Variants in AGXT observed in about 807,000 individuals in gnomAD.
AGXT encodes the protein alanine--glyoxylate aminotransferase, also known as L-alanine: glyoxylate aminotransferase 1.
In AGXT, 41 loss-of-function variants were observed where a neutral mutation model predicts 46.9. The observed-to-expected ratio is 0.88, with a 90% CI of 0.68 to 1.14. The LOEUF is 1.14. Ranked by LOEUF, AGXT falls within the 50% of genes most tolerant of loss-of-function variation. The pLI is 0.00. For missense variants in AGXT, 525 were observed against 522.7 expected, an observed-to-expected ratio of 1.00 and a Z score of -0.04; for synonymous variants, 244 against 227.9, an observed-to-expected ratio of 1.07 and a Z score of -0.64.
Position 240,869,232 on chromosome 2 carries a change from G to A in AGXT, c.228G>A (p.Leu76=). Residue 76 remains leucine, a synonymous_variant, in exon 2 of 11, where the codon CTG becomes CTA. Coordinates refer to ENST00000307503, the MANE Select transcript of AGXT (RefSeq NM_000030.3). ...TCCAGACCAGGAACCCACTCACACT[G>A]GTCATCTCTGGCTCGGGACACTGTG... is the stretch of plus-strand genomic sequence containing the variant. The part of the protein sequence containing the change: ...YVFQTRNPLT[L]VISGSGHCAL... The A allele has an allele frequency of 3.1e-6, 5 of 1,606,196 alleles. No individual in the cohort carries two copies. The highest frequency in any genetic ancestry group is 4.3e-6 in the Non-Finnish European group (5 of 1,174,794).
At chr2:240,869,863 G>A (rs2106427926) in intron 2 of AGXT, among the ~76,000 whole-genome samples, 1 of 152,308 alleles carries the variant, frequency 6.6e-6, no homozygotes, top group Admixed American at 6.5e-5. Flanking sequence ...AGGAGCAGGA[G>A]TGTGCCCTGG....
chr2:240,875,227 A>G (rs1378292055), intron 7 of AGXT, 23 bp downstream of exon 7: 7 of 1,585,782 alleles, frequency 4.4e-6, no homozygotes, highest in Non-Finnish European at 6.1e-6. Flanking sequence ...AGGGATGGGA[A>G]GGTGGAGGGC....
chr2:240,878,920 G>T lies in AGXT; in HGVS notation c.*99G>T. 7.7e-7 allele frequency: 1 copy of T among 1,298,314 alleles called. No individual in the cohort carries two copies. Among genetic ancestry groups the T allele is most frequent in the Non-Finnish European group, 1.1e-6 (1 of 928,790 alleles). 80.4% of individuals were successfully genotyped at this position (1,298,314 alleles called of 1,614,324 possible). A position where few individuals can be genotyped will look rare whatever the true frequency, so the allele number is the denominator to read the frequency against. On this transcript the variant is annotated 3_prime_UTR_variant, in exon 11 of 11. Transcript: ENST00000307503. ...GACCCTGCAAGGTCCTCCAGGCCTG[G>T]GGACAGGAAAGCCACTGACCCAGCC...
chr2:240,873,593 C>G (rs1037957933), intron 5 of AGXT: 1 of 311,016 alleles, frequency 3.2e-6, no homozygotes, highest in Non-Finnish European at 6.0e-6. Flanking sequence ...TCCATGGGAG[C>G]CTGTCTGTTT....
In AGXT at chr2:240,869,251, C is replaced by A. The variant is rs1396924831; in HGVS notation, c.247C>A (p.His83Asn). The change falls in exon 2 of 11, where the codon CAC (histidine) becomes AAC (asparagine). Residue 83 changes from histidine to asparagine, a missense_variant. Physicochemically the swap from His to Asn is moderately conservative, Grantham distance 68 (BLOSUM62 1). Transcript: ENST00000307503. Reference protein sequence around the residue: ...PLTLVISGSGHCALEAALVNV... With the variant: ...PLTLVISGSGNCALEAALVNV... ...CACACTGGTCATCTCTGGCTCGGGA[C>A]ACTGTGCCCTGGAGGCCGCCCTGGT... The A allele has an allele frequency of 1.9e-6, 3 of 1,613,790 alleles. No homozygotes were observed. Among genetic ancestry groups the A allele is most frequent in the Non-Finnish European group, 1.7e-6 (2 of 1,180,030 alleles).
intron 10 of AGXT, among the ~76,000 whole-genome samples, chr2:240,878,388 C>A (rs575506454): frequency 1.1e-4 from 16 of 152,366 alleles, no homozygotes; most frequent in African/African-American, 3.8e-4. Context: ...TCGGAACATC[C>A]TTCCTTCCCT....
intron 2 of AGXT, among the ~76,000 whole-genome samples, chr2:240,870,425 G>T (rs1027346519): frequency 6.6e-6 from 1 of 152,162 alleles, no homozygotes. Flanking sequence ...CCCCAGGAGC[G>T]TTGGCTCCAA....
At position 240,880,314 on chromosome 2, in the gene AGXT, A is replaced by G. The variant is rs1201832730; in HGVS notation, c.*1493A>G. Reference sequence around the variant, plus strand: ...GTCTTTTTTTGCTAGGGGGTGTAAAATCCTGTCTGATTTGGTTTTAGTTTG... The same window carrying G: ...GTCTTTTTTTGCTAGGGGGTGTAAAGTCCTGTCTGATTTGGTTTTAGTTTG... On this transcript the variant is annotated 3_prime_UTR_variant, in exon 11 of 11. Transcript: ENST00000307503. 6.6e-5 allele frequency: 10 copies of G among 152,032 alleles called. No individual in the cohort carries two copies. The highest frequency in any genetic ancestry group is 6.6e-4 in the Admixed American group (10 of 15,260). The allele number at this position is 152,032 out of a possible 1,614,324, so 9.4% of individuals were successfully genotyped here.
At chr2:240,876,148 G>A in intron 8 of AGXT, 144 bp downstream of exon 8, 2 of 1,017,118 alleles carry the variant, frequency 2.0e-6, no homozygotes, top group Non-Finnish European at 1.5e-6. Context: ...GGGGGAGAGA[G>A]GACAGGGCCC....
chr2:240,871,337 C>G lies in AGXT; in HGVS notation c.424-12C>G, dbSNP rs2058989235. 3 of 1,567,398 alleles carry G rather than the reference C, an allele frequency of 1.9e-6. No individual in the cohort carries two copies. The highest frequency in any genetic ancestry group is 2.6e-6 in the Non-Finnish European group (3 of 1,156,822). ...CTCTGAGCTCCACCCACAGCCGTCC[C>G]TGCTTCCTCAGGGCCTGGCCCAGCA... On this transcript the variant is annotated splice_polypyrimidine_tract_variant and intron_variant, in intron 3 of 10. Coordinates refer to ENST00000307503, the MANE Select transcript of AGXT (RefSeq NM_000030.3).
At chr2:240,871,307 T>C (rs2058989043) in intron 3 of AGXT, 42 bp from the exon 4 acceptor site, 2 of 1,524,788 alleles carry the variant, frequency 1.3e-6, no homozygotes, top group South Asian at 1.2e-5. Flanking sequence ...TTCTGGCCCC[T>C]GCCCCTCTGA....
At chr2:240,872,315 G>C (rs2058995479) in intron 4 of AGXT, among the ~76,000 whole-genome samples, 1 of 138,484 alleles carries the variant, frequency 7.2e-6, no homozygotes, top group South Asian at 2.3e-4. Flanking sequence ...GTGAGAGTTC[G>C]TGAACATGGA....
chr2:240,877,210 C>T (rs1219913066), intron 8 of AGXT: 4 of 525,024 alleles, frequency 7.6e-6, no homozygotes, highest in African/African-American at 7.5e-5. Context: ...CCCTGATCCA[C>T]TCCAGCCCTG....
In AGXT at chr2:240,870,538, T is replaced by C. The variant is rs539659347; in HGVS notation, c.359-106T>C. 4 of 1,341,290 alleles carry C rather than the reference T, an allele frequency of 3.0e-6. No homozygotes were observed. In the African/African-American group the frequency reaches 5.9e-5, roughly 20 times the overall value. The allele number at this position is 1,341,290 out of a possible 1,614,324, so 83.1% of individuals were successfully genotyped here. A position where few individuals can be genotyped will look rare whatever the true frequency, so the allele number is the denominator to read the frequency against. ...CAGGCAGCCAGGGTGCCACGGTGGG[T>C]GGGGTCCAGCCCTCACAGGGCCCTG... On this transcript the variant is annotated intron_variant, in intron 2 of 10. Transcript: ENST00000307503.
intron 3 of AGXT, among the ~76,000 whole-genome samples, 187 bp downstream of exon 3, chr2:240,870,895 G>A (rs189879617): frequency 1.3e-5 from 2 of 152,284 alleles, no homozygotes; most frequent in African/African-American, 4.8e-5. Flanking sequence ...GGGAATGGTG[G>A]GAAGACTGGT....
chr2:240,880,300 C>T lies in AGXT; in HGVS notation c.*1479C>T. ...CCACACTCCATGTTGTCTTTTTTTG[C>T]TAGGGGGTGTAAAATCCTGTCTGAT... On this transcript the variant is annotated 3_prime_UTR_variant, in exon 11 of 11. Transcript: ENST00000307503. 1 of 152,058 alleles carries T rather than the reference C, an allele frequency of 6.6e-6. No homozygotes were observed. Among genetic ancestry groups the T allele is most frequent in the African/African-American group, 2.4e-5 (1 of 41,378 alleles). 9.4% of individuals were successfully genotyped at this position (152,058 alleles called of 1,614,324 possible).
intron 4 of AGXT, among the ~76,000 whole-genome samples, chr2:240,872,463 C>CGTGAACATGCAGGAGGAGGGT (rs2058997515): frequency 7.3e-5 from 3 of 40,992 alleles, no homozygotes; most frequent in Non-Finnish European, 1.1e-4. Flanking sequence ...AGGAGGAGGG[C>CGTGAACATGCAGGAGGAGGGT]GAGAGTTCGT....
At chr2:240,871,470 G>A (rs1473877065) in intron 4 of AGXT, 21 bp downstream of exon 4, 1 of 1,555,450 alleles carries the variant, frequency 6.4e-7, no homozygotes, top group Non-Finnish European at 8.7e-7. Context: ...CCCCAGGGCG[G>A]TGGACTGGAG....
chr2:240,870,975 G>A (rs2058987702), intron 3 of AGXT, among the ~76,000 whole-genome samples: 1 of 152,140 alleles, frequency 6.6e-6, no homozygotes, highest in African/African-American at 2.4e-5. Flanking sequence ...AGAGAGGCTG[G>A]AGGCAGGAGG....
Sources: gnomAD v4.1 joint callset for allele counts (sites outside exome capture counted in the v4.1 genomes callset) on GRCh38, gnomAD v4.1.1 for gene constraint, MANE v1.5 for transcripts, NCBI Gene and HGNC (gene_info 2026-07-23, HGNC 2026-07-21) for gene names.